The following AVL9 variants were observed in gnomAD, a reference collection of about 807,000 sequenced individuals.
AVL9 encodes the protein late secretory pathway protein AVL9 homolog.
A neutral mutation model predicts 79.2 loss-of-function variants in AVL9; 49 were observed. The observed-to-expected ratio is 0.62, with a 90% CI of 0.49 to 0.79. The LOEUF (loss-of-function observed/expected upper bound fraction) is 0.79, where lower values mean the gene tolerates loss of function less well. Among genes scored for constraint, AVL9 ranks in the 30% least tolerant of loss-of-function variants. AVL9 has a pLI of 0.00. For missense variants in AVL9, 682 were observed against 776.8 expected, an observed-to-expected ratio of 0.88 and a Z score of 1.45; for synonymous variants, 299 against 280.6, an observed-to-expected ratio of 1.07 and a Z score of -0.65.
At chr7:32,555,442 G>C (rs1790011782) in intron 8 of AVL9, among the ~76,000 whole-genome samples, 1 of 152,248 alleles carries the variant, frequency 6.6e-6, no homozygotes, top group Non-Finnish European at 1.5e-5. Context: ...TGTTTGCCCT[G>C]ATTGGCTTAA....
At position 32,521,780 on chromosome 7, in the gene AVL9, C is replaced by T. The variant is rs77495532; in HGVS notation, c.94-21361C>T. Among the ~76,000 whole-genome samples the T allele has an allele frequency of 2.2e-3, 335 of 152,242 alleles. 4 individuals are homozygous for T. In the East Asian group the frequency reaches 0.057, roughly 26 times the overall value. On this transcript the variant is annotated intron_variant, in intron 1 of 15. Coordinates refer to ENST00000318709, the MANE Select transcript of AVL9 (RefSeq NM_015060.3). ...ACCATGTCAGAGACCTTCACCACAGCCCCTCCTATCACAGGCCCAGAAGGA... is the reference window on the plus strand; with the variant it reads ...ACCATGTCAGAGACCTTCACCACAGTCCCTCCTATCACAGGCCCAGAAGGA...
intron 15 of AVL9, chr7:32,581,715 C>T (rs980389682): frequency 6.6e-6 from 1 of 152,196 alleles, no homozygotes; most frequent in African/African-American, 2.4e-5. Flanking sequence ...TGCCTGCAGT[C>T]CCAGCTACTT....
At chr7:32,517,428 C>G (rs1432741608) in intron 1 of AVL9, among the ~76,000 whole-genome samples, 1 of 151,668 alleles carries the variant, frequency 6.6e-6, no homozygotes, top group Non-Finnish European at 1.5e-5. Flanking sequence ...TCCTTAGCCT[C>G]TCTAGTAGCT....
At chr7:32,514,686 T>C (rs1453930374) in intron 1 of AVL9, among the ~76,000 whole-genome samples, 3 of 152,160 alleles carry the variant, frequency 2.0e-5, no homozygotes, top group Non-Finnish European at 4.4e-5. Context: ...AAAGTCCTTT[T>C]CCTGGCTCAT....
At chr7:32,561,966 A>C (rs944911223) in intron 10 of AVL9, among the ~76,000 whole-genome samples, 8 of 152,226 alleles carry the variant, frequency 5.3e-5, no homozygotes, top group Non-Finnish European at 1.2e-4. Context: ...GAGAAGTCAG[A>C]ACACACACAA....
At chr7:32,562,053 C>T (rs545094984) in intron 10 of AVL9, among the ~76,000 whole-genome samples, 15 of 152,184 alleles carry the variant, frequency 9.9e-5, no homozygotes, top group South Asian at 4.1e-4. Flanking sequence ...TCAAAGATCA[C>T]GGATCACAGA....
At chr7:32,544,027 G>A (rs975199126) in intron 2 of AVL9, among the ~76,000 whole-genome samples, 3 of 151,786 alleles carry the variant, frequency 2.0e-5, no homozygotes, top group Non-Finnish European at 2.9e-5. Context: ...CCCAGTAGCT[G>A]TGGTTATAGA....
chr7:32,525,821 A>C (rs1788377320), intron 1 of AVL9, among the ~76,000 whole-genome samples: 1 of 152,186 alleles, frequency 6.6e-6, no homozygotes, highest in Non-Finnish European at 1.5e-5. Flanking sequence ...TTGGCATCTC[A>C]CTGGGCCTGA....
At chr7:32,581,105 T>C in intron 15 of AVL9, 1 of 517,824 alleles carries the variant, frequency 1.9e-6, no homozygotes, top group Non-Finnish European at 3.4e-6. Context: ...CAAAATTTTC[T>C]GATGAAGTCA....
intron 2 of AVL9, among the ~76,000 whole-genome samples, chr7:32,544,473 T>C (rs1043654897): frequency 5.3e-5 from 8 of 152,372 alleles, no homozygotes; most frequent in East Asian, 3.9e-4. Context: ...TGACCTGTTA[T>C]AATTCAGTCT....
chr7:32,579,572 TA>T (rs1562802466), intron 13 of AVL9, among the ~76,000 whole-genome samples: 1 of 898 alleles, frequency 1.1e-3, no homozygotes, highest in Non-Finnish European at 2.3e-3. Flanking sequence ...TTATATATTA[TA>T]TTATATATTA....
Position 32,586,092 on chromosome 7 carries a change from G to A in AVL9, c.*2185G>A, listed in dbSNP as rs996451075. 2.6e-5 allele frequency: 4 copies of A among 152,072 alleles called. No individual in the cohort carries two copies. Among genetic ancestry groups the A allele is most frequent in the South Asian group, 2.1e-4 (1 of 4,822 alleles). 9.4% of individuals were successfully genotyped at this position (152,072 alleles called of 1,614,324 possible). On this transcript the variant is annotated 3_prime_UTR_variant, in exon 16 of 16. Coordinates refer to ENST00000318709, the MANE Select transcript of AVL9 (RefSeq NM_015060.3). The stretch of plus-strand genomic sequence containing the variant: ...GTTTCTGTGATCGGGGTAAACTCCC[G>A]TCTCCCACTATTCAAAAGCAGCCCA...
At position 32,567,779 on chromosome 7, in the gene AVL9, A is replaced by G. The variant is rs563819203; in HGVS notation, c.1216-2241A>G. ...ACCCAGGCTGGAGTGCCGTGATATG[A>G]TCTCAGCTCACTGCAACCTCCACCT... is the stretch of plus-strand genomic sequence containing the variant. On this transcript the variant is annotated intron_variant, in intron 10 of 15. Coordinates refer to ENST00000318709, the MANE Select transcript of AVL9 (RefSeq NM_015060.3). Among the ~76,000 whole-genome samples the G allele has an allele frequency of 2.4e-4, 37 of 151,922 alleles. No homozygotes were observed. In the East Asian group the frequency reaches 7.2e-3, roughly 29 times the overall value.
At chr7:32,551,527 G>C in intron 5 of AVL9, 104 bp downstream of exon 5, 3 of 488,980 alleles carry the variant, frequency 6.1e-6, no homozygotes, top group Non-Finnish European at 1.0e-5. Flanking sequence ...CCTTAAGAAA[G>C]ACATTCTAAT....
intron 10 of AVL9, among the ~76,000 whole-genome samples, chr7:32,569,077 C>T (rs535983356): frequency 6.3e-4 from 96 of 152,228 alleles, no homozygotes; most frequent in African/African-American, 2.1e-3. Flanking sequence ...AGTTGCAAAG[C>T]GGATATCCCC....
chr7:32,500,622 A>G (rs1329698024), intron 1 of AVL9, among the ~76,000 whole-genome samples: 1 of 151,498 alleles, frequency 6.6e-6, no homozygotes, highest in East Asian at 1.9e-4. Flanking sequence ...ATTAGATCCC[A>G]TTTGTCAATT....
At chr7:32,497,806 C>G (rs1786920607) in intron 1 of AVL9, among the ~76,000 whole-genome samples, 1 of 152,082 alleles carries the variant, frequency 6.6e-6, no homozygotes, top group Non-Finnish European at 1.5e-5. Context: ...CGCCCGCCAC[C>G]GCGCCCGGCT....
chr7:32,524,631 A>T (rs902334330), intron 1 of AVL9, among the ~76,000 whole-genome samples: 3 of 152,192 alleles, frequency 2.0e-5, no homozygotes, highest in South Asian at 2.1e-4. Context: ...AACTGAAGGC[A>T]TGTAAATCTG....
At chr7:32,531,047 A>G (rs972359779) in intron 1 of AVL9, among the ~76,000 whole-genome samples, 9 of 152,236 alleles carry the variant, frequency 5.9e-5, no homozygotes, top group Non-Finnish European at 1.3e-4. Context: ...TCCAGAGAAC[A>G]AGAGAGGCTC....
Sources: allele counts gnomAD v4.1 joint callset (sites outside exome capture counted in the v4.1 genomes callset), GRCh38; gene constraint gnomAD v4.1.1; transcripts MANE v1.5; gene names NCBI Gene and HGNC (gene_info 2026-07-23, HGNC 2026-07-21).